ADD2: variants seen among roughly 807,000 people sequenced by gnomAD.
The protein encoded by ADD2 is beta-adducin.
Under a neutral mutation model 83.0 loss-of-function variants are expected in ADD2, and 23 were observed. That is an observed-to-expected ratio of 0.28 (90% CI 0.20 to 0.39). The LOEUF is 0.39. ADD2 is among the 10% of genes least tolerant of loss of function. ADD2 has a pLI of 1.00. For missense variants in ADD2, 758 were observed against 944.9 expected (o/e 0.80, Z 2.59); for synonymous variants, 375 against 375.4 (o/e 1.00, Z 0.01).
At chr2:70,761,201 A>G (rs1453311703) in intron 1 of ADD2, among the ~76,000 whole-genome samples, 5 of 151,458 alleles carry the variant, frequency 3.3e-5, no homozygotes, top group Non-Finnish European at 5.9e-5. Flanking sequence ...GTCAAAAATA[A>G]TTCTGGAAAG....
At chr2:70,748,347 A>G (rs1484397837) in intron 1 of ADD2, among the ~76,000 whole-genome samples, 6 of 152,000 alleles carry the variant, frequency 3.9e-5, no homozygotes, top group African/African-American at 1.4e-4. Context: ...CTGTGTAGCT[A>G]TCATTGACAT....
chr2:70,755,640 A>G (rs782498289), intron 1 of ADD2, among the ~76,000 whole-genome samples: 6 of 152,146 alleles, frequency 3.9e-5, no homozygotes, highest in Non-Finnish European at 7.3e-5. Context: ...CCAATTACTC[A>G]TCATCTAGTA....
chr2:70,676,911 T>C lies in ADD2; in HGVS notation c.1504-26A>G. ...CTGTGTGGAAAGGGGAGAGGAAGAG[T>C]GAGCTGGCTGTTCAGGGTCAGCGTG... On this transcript the variant is annotated intron_variant, in intron 12 of 15. Transcript: ENST00000264436. The surrounding 1 kb of genome is among the most constrained non-coding windows in gnomAD (Gnocchi z 4.8). 6.2e-7 allele frequency: 1 copy of C among 1,604,840 alleles called. No homozygotes were observed. The highest frequency in any genetic ancestry group is 8.5e-7 in the Non-Finnish European group (1 of 1,173,562).
chr2:70,725,595 C>T (rs1672949369), intron 1 of ADD2, among the ~76,000 whole-genome samples: 1 of 152,000 alleles, frequency 6.6e-6, no homozygotes, highest in Non-Finnish European at 1.5e-5. Flanking sequence ...AGGAGATGGC[C>T]CTGTGAAGAT....
intron 1 of ADD2, among the ~76,000 whole-genome samples, chr2:70,745,265 G>A (rs1232190216): frequency 5.3e-5 from 8 of 151,938 alleles, no homozygotes; most frequent in Non-Finnish European, 7.4e-5. Flanking sequence ...CAGCCTGGGC[G>A]ACAGAGCGAT....
intron 8 of ADD2, among the ~76,000 whole-genome samples, chr2:70,688,486 A>C (rs879969922): frequency 6.6e-6 from 1 of 152,246 alleles, no homozygotes; most frequent in Admixed American, 6.5e-5. Flanking sequence ...GGCCTTGGAA[A>C]GCTTAGAAGC....
chr2:70,745,157 G>A (rs1553381774), intron 1 of ADD2, among the ~76,000 whole-genome samples: 1 of 152,050 alleles, frequency 6.6e-6, no homozygotes, highest in African/African-American at 2.4e-5. Flanking sequence ...GTGGTGGCGG[G>A]CGCCTGTAGT....
chr2:70,715,894 G>T (rs530036040), intron 1 of ADD2, among the ~76,000 whole-genome samples: 2 of 151,974 alleles, frequency 1.3e-5, no homozygotes, highest in Non-Finnish European at 2.9e-5. Context: ...CACCCGCAGC[G>T]CCAGGCCCTG....
At chr2:70,698,300 C>G (rs1162931575) in intron 4 of ADD2, among the ~76,000 whole-genome samples, 1 of 152,226 alleles carries the variant, frequency 6.6e-6, no homozygotes, top group Non-Finnish European at 1.5e-5. Flanking sequence ...GTATCAAAGA[C>G]AGTCCCTCTC....
intron 1 of ADD2, among the ~76,000 whole-genome samples, chr2:70,748,361 T>C (rs1006999179): frequency 6.6e-6 from 1 of 152,134 alleles, no homozygotes; most frequent in African/African-American, 2.4e-5. Flanking sequence ...TTGACATTAT[T>C]ATTCATCAAA....
Position 70,663,057 on chromosome 2 carries a change from G to A in ADD2, c.*368C>T. ...TTGACCTCTGATTTAGTCTGAGCCT[G>A]TGAGAGCTCACGGCCCATTTCTGGC... On this transcript the variant is annotated 3_prime_UTR_variant, in exon 16 of 16. Coordinates refer to ENST00000264436, the MANE Select transcript of ADD2 (RefSeq NM_001617.4). 4.9e-6 allele frequency: 1 copy of A among 206,022 alleles called. No individual in the cohort carries two copies. Among genetic ancestry groups the A allele is most frequent in the Non-Finnish European group, 9.8e-6 (1 of 101,698 alleles). The allele number at this position is 206,022 out of a possible 1,614,324, so 12.8% of individuals were successfully genotyped here.
At chr2:70,708,095 A>T (rs1541582) in intron 2 of ADD2, among the ~76,000 whole-genome samples, 58,487 of 152,002 alleles carry the variant, frequency 0.38, 13,026 homozygotes, top group African/African-American at 0.63. Context: ...AACTCCACAC[A>T]CTACCTTTGC....
intron 2 of ADD2, among the ~76,000 whole-genome samples, chr2:70,709,032 A>T (rs1302023791): frequency 6.6e-6 from 1 of 152,188 alleles, no homozygotes; most frequent in Non-Finnish European, 1.5e-5. Flanking sequence ...AGGGCTCCCA[A>T]GTTCCTGAAT....
intron 1 of ADD2, among the ~76,000 whole-genome samples, chr2:70,730,788 A>G (rs1319946609): frequency 6.6e-6 from 1 of 152,170 alleles, no homozygotes; most frequent in African/African-American, 2.4e-5. Flanking sequence ...CTATGTCTAG[A>G]TACACAAATA....
intron 1 of ADD2, among the ~76,000 whole-genome samples, chr2:70,726,982 A>G (rs1321090572): frequency 1.3e-5 from 2 of 152,232 alleles, no homozygotes; most frequent in Admixed American, 1.3e-4. Context: ...AAAATGCTCC[A>G]GAAAAACCAT....
In ADD2 at chr2:70,660,043, G is replaced by A. The variant is rs1675488080; in HGVS notation, c.*3382C>T. 6.6e-6 allele frequency: 1 copy of A among 152,180 alleles called. No homozygotes were observed. Among genetic ancestry groups the A allele is most frequent in the Non-Finnish European group, 1.5e-5 (1 of 68,018 alleles). The allele number at this position is 152,180 out of a possible 1,614,324, so 9.4% of individuals were successfully genotyped here. On this transcript the variant is annotated 3_prime_UTR_variant, in exon 16 of 16. Transcript: ENST00000264436. ...TTTCTCCAGTCAGATATTGGTCAAAGTTTTCAGCCAACTTTTATCCACAGC... is the reference window on the plus strand; with the variant it reads ...TTTCTCCAGTCAGATATTGGTCAAAATTTTCAGCCAACTTTTATCCACAGC...
intron 1 of ADD2, among the ~76,000 whole-genome samples, chr2:70,752,596 A>G (rs78735188): frequency 2.6e-5 from 4 of 152,208 alleles, no homozygotes; most frequent in Non-Finnish European, 5.9e-5. Context: ...AAAGTGAAGG[A>G]AAGAGAAACC....
At chr2:70,691,416 C>T (rs1671029135) in intron 7 of ADD2, among the ~76,000 whole-genome samples, 1 of 151,970 alleles carries the variant, frequency 6.6e-6, no homozygotes, top group African/African-American at 2.4e-5. Context: ...TTGAAAAGTC[C>T]CATTTTAAAA....
intron 12 of ADD2, among the ~76,000 whole-genome samples, chr2:70,677,458 G>A (rs572262295): frequency 1.1e-4 from 16 of 152,342 alleles, no homozygotes; most frequent in Admixed American, 1.0e-3. Context: ...TTGAAATATT[G>A]CCAATAAGCC....
Sources: allele counts gnomAD v4.1 joint callset (sites outside exome capture counted in the v4.1 genomes callset), GRCh38; gene constraint gnomAD v4.1.1; non-coding constraint Gnocchi (gnomAD v3.1); transcripts MANE v1.5; gene names NCBI Gene and HGNC (gene_info 2026-07-23, HGNC 2026-07-21).